The following TTC39A variants were observed in gnomAD, a reference collection of about 807,000 sequenced individuals.
TTC39A encodes the protein tetratricopeptide repeat protein 39A.
TTC39A carries 46 observed loss-of-function variants against 82.3 expected under a neutral mutation model. The ratio of observed to expected loss-of-function variants is 0.56; its 90% CI spans 0.44 to 0.71. TTC39A has a LOEUF of 0.71. Among genes scored for constraint, TTC39A ranks in the 30% least tolerant of loss-of-function variants. TTC39A has a pLI of 0.00. For missense variants in TTC39A, 543 were observed against 712.9 expected (o/e 0.76, Z 2.71); for synonymous variants, 254 against 275.2 (o/e 0.92, Z 0.76).
intron 1 of TTC39A, among the ~76,000 whole-genome samples, chr1:51,337,466 A>C (rs1570026860): frequency 7.3e-6 from 1 of 137,066 alleles, no homozygotes; most frequent in African/African-American, 2.8e-5. Flanking sequence ...TCACTCTGTC[A>C]CCCAGGCTGG....
At position 51,345,008 on chromosome 1, in the gene TTC39A, G is replaced by A. The variant is rs1022083416; in HGVS notation, c.36C>T (p.Ser12=). Residue 12 remains serine (S), a synonymous_variant, in exon 1 of 6, where the codon TCC becomes TCT. Transcript: ENST00000401051. ...CCCGGTACCTGCGGTCGCTTTTCCCGGAGGCCGCCTCCTTCCAGGTGGTCA... is the reference window on the plus strand; with the variant it reads ...CCCGGTACCTGCGGTCGCTTTTCCCAGAGGCCGCCTCCTTCCAGGTGGTCA... 4.6e-6 allele frequency: 7 copies of A among 1,523,162 alleles called. No individual in the cohort carries two copies. In the East Asian group the frequency reaches 8.1e-5, roughly 18 times the overall value. The allele number at this position is 1,523,162 out of a possible 1,614,324, so 94.4% of individuals were successfully genotyped here.
At chr1:51,330,768 G>T, upstream of TTC39A, 1 of 430,984 alleles carries the variant, frequency 2.3e-6, no homozygotes, top group African/African-American at 2.0e-5. This position sits in a 1 kb window ranked among gnomAD's most constrained non-coding sequence, Gnocchi z 4.5. Flanking sequence ...GACACCGCCC[G>T]GGCCGGGAGC....
chr1:51,323,362 C>T lies in TTC39A; in HGVS notation c.42-1537G>A, dbSNP rs527647017. On this transcript the variant is annotated intron_variant, in intron 1 of 17. Transcript: ENST00000680483. ...CTCCTGGGCTCAAGTGATCCTCCCA[C>T]CTCATCCTCCCAAAGTGCTGGGATT... Among the ~76,000 whole-genome samples the T allele has an allele frequency of 2.6e-5, 4 of 152,308 alleles. No individual in the cohort carries two copies. In the East Asian group the frequency reaches 7.7e-4, roughly 29 times the overall value.
At chr1:51,305,054 C>G in intron 8 of TTC39A, 27 bp downstream of exon 8, 1 of 1,612,292 alleles carries the variant, frequency 6.2e-7, no homozygotes, top group Non-Finnish European at 8.5e-7. Flanking sequence ...CTGAGCAGGT[C>G]AGGGGTGCTA....
chr1:51,345,050 G>C (rs372029077), exon 1 of TTC39A: 3 of 1,460,048 alleles, frequency 2.1e-6, no homozygotes, highest in East Asian at 3.0e-5. Context: ...CCATGGGCGC[G>C]GGCCGGGCTC....
intron 4 of TTC39A, 71 bp from the exon 5 acceptor site, chr1:51,311,392 A>G (rs1645077376): frequency 1.4e-6 from 2 of 1,415,602 alleles, no homozygotes; most frequent in Non-Finnish European, 1.9e-6. Flanking sequence ...AAATCCTCAC[A>G]CCCCAACTTC....
chr1:51,336,583 C>T (rs772946372), intron 1 of TTC39A, among the ~76,000 whole-genome samples: 3 of 152,102 alleles, frequency 2.0e-5, no homozygotes, highest in Admixed American at 6.5e-5. Flanking sequence ...GAGGGGTTTC[C>T]AGCATTGATG....
chr1:51,309,792 G>A (rs892714825), intron 5 of TTC39A, among the ~76,000 whole-genome samples: 1 of 152,188 alleles, frequency 6.6e-6, no homozygotes, highest in Middle Eastern at 3.2e-3. Flanking sequence ...CCAAGAAACA[G>A]AAACAGCCCA....
intron 1 of TTC39A, among the ~76,000 whole-genome samples, chr1:51,343,867 G>C (rs921710671): frequency 1.3e-5 from 2 of 152,146 alleles, no homozygotes; most frequent in African/African-American, 4.8e-5. Flanking sequence ...CGATCCTCCC[G>C]CTGGGATTAC....
intron 14 of TTC39A, among the ~76,000 whole-genome samples, chr1:51,292,074 G>A (rs1385050714): frequency 1.3e-5 from 2 of 152,088 alleles, no homozygotes; most frequent in Non-Finnish European, 2.9e-5. Context: ...CACACCTGTA[G>A]TCAGGAGGCT....
At chr1:51,301,979 C>G (rs775005864) in intron 11 of TTC39A, 20 of 649,086 alleles carry the variant, frequency 3.1e-5, no homozygotes, top group Non-Finnish European at 5.0e-5. Flanking sequence ...TTTTTAGTAA[C>G]AAAATGAAAG....
At position 51,295,906 on chromosome 1, in the gene TTC39A, G is replaced by A; in HGVS notation, c.1145+173C>T. ...CCAACCACCAGCAGCAGCAGCATGG[G>A]GTGGTGATGGGAGGGGAGGACACGC... is the stretch of plus-strand genomic sequence containing the variant. On this transcript the variant is annotated intron_variant, in intron 13 of 17. Transcript: ENST00000680483. 3 of 650,542 alleles carry A rather than the reference G, an allele frequency of 4.6e-6. No individual in the cohort carries two copies. The South Asian group carries it at 5.2e-5, about 11-fold the overall frequency. 40.3% of individuals were successfully genotyped at this position (650,542 alleles called of 1,614,324 possible).
At chr1:51,291,032 A>G (rs1436898102) in intron 14 of TTC39A, among the ~76,000 whole-genome samples, 1 of 152,194 alleles carries the variant, frequency 6.6e-6, no homozygotes, top group Non-Finnish European at 1.5e-5. Flanking sequence ...AACAGAATTT[A>G]AGGCTATGTC....
At position 51,309,258 on chromosome 1, in the gene TTC39A, C is replaced by A; in HGVS notation, c.488+3G>T. ...CCACAAGCGGATGGCCAGCCCCACT[C>A]ACTTGTAGGTCTGGTAGCTGTTTCG... On this transcript the variant is annotated splice_donor_region_variant and intron_variant, in intron 6 of 17. Transcript: ENST00000680483. 1 of 1,606,286 alleles carries A rather than the reference C, an allele frequency of 6.2e-7. No homozygotes were observed. Among genetic ancestry groups the A allele is most frequent in the Non-Finnish European group, 8.5e-7 (1 of 1,175,722 alleles).
rs1431069909 is a variant in TTC39A, at chr1:51,321,154, G to A, written c.146+567C>T. Among the ~76,000 whole-genome samples the A allele has an allele frequency of 5.3e-5, 8 of 151,894 alleles. No homozygotes were observed. The highest frequency in any genetic ancestry group is 4.6e-4 in the Admixed American group (7 of 15,266). On this transcript the variant is annotated intron_variant, in intron 2 of 17. Transcript: ENST00000680483. This position sits in a 1 kb window ranked among gnomAD's most constrained non-coding sequence, Gnocchi z 4.6. Reference sequence around the variant, plus strand: ...CTCCCAAAGTGCTGGGATTACAAGCGTGAGCCACCACGCCCAGCCCAATAA... The same window carrying A: ...CTCCCAAAGTGCTGGGATTACAAGCATGAGCCACCACGCCCAGCCCAATAA...
chr1:51,321,947 G>C lies in TTC39A; in HGVS notation c.42-122C>G. 3.1e-6 allele frequency: 4 copies of C among 1,303,656 alleles called. No individual in the cohort carries two copies. Among genetic ancestry groups the C allele is most frequent in the Non-Finnish European group, 4.3e-6 (4 of 936,970 alleles). 80.8% of individuals were successfully genotyped at this position (1,303,656 alleles called of 1,614,324 possible). A position where few individuals can be genotyped will look rare whatever the true frequency, so the allele number is the denominator to read the frequency against. ...GGCCAGCCTTGGGTGCCTGTCACGA[G>C]CTCCTCCAGGCTGCCACTCTGTACT... On this transcript the variant is annotated intron_variant, in intron 1 of 17. Transcript: ENST00000680483. The surrounding 1 kb of genome is among the most constrained non-coding windows in gnomAD (Gnocchi z 4.6).
intron 6 of TTC39A, among the ~76,000 whole-genome samples, chr1:51,308,397 G>C (rs983114680): frequency 1.3e-5 from 2 of 151,966 alleles, no homozygotes; most frequent in African/African-American, 4.8e-5. Flanking sequence ...CTGCCACCAC[G>C]CCCTGCTAAT....
At chr1:51,306,855 C>G (rs372857215) in intron 6 of TTC39A, among the ~76,000 whole-genome samples, 1 of 6,576 alleles carries the variant, frequency 1.5e-4, no homozygotes. Context: ...AGGGACAGAC[C>G]CCCCCCCCCC....
intron 8 of TTC39A, among the ~76,000 whole-genome samples, chr1:51,304,704 C>T (rs1375465155): frequency 2.0e-5 from 3 of 152,174 alleles, no homozygotes; most frequent in Admixed American, 6.5e-5. Context: ...AGTGGTAGCA[C>T]CAGAAAATGG....
Sources: allele counts gnomAD v4.1 joint callset (sites outside exome capture counted in the v4.1 genomes callset), GRCh38; gene constraint gnomAD v4.1.1; non-coding constraint Gnocchi (gnomAD v3.1); transcripts MANE v1.5; gene names NCBI Gene and HGNC (gene_info 2026-07-23, HGNC 2026-07-21).